The following SERPINE2 variants were observed in gnomAD, a reference collection of about 807,000 sequenced individuals.
SERPINE2 encodes the protein serpin family E member 2.
Under a neutral mutation model 36.3 loss-of-function variants are expected in SERPINE2, and 14 were observed. That is an observed-to-expected ratio of 0.39 (90% confidence interval 0.25 to 0.60). SERPINE2 has a LOEUF of 0.60. Among genes scored for constraint, SERPINE2 ranks in the 20% least tolerant of loss-of-function variants. The pLI is 0.57. For synonymous variants in SERPINE2, 192 were observed against 191.8 expected (o/e 1.00, Z -0.01); for missense variants, 418 against 499.6 (o/e 0.84, Z 1.56).
chr2:224,020,239 TC>T (rs1461416584), intron 1 of SERPINE2, among the ~76,000 whole-genome samples: 1 of 152,190 alleles, frequency 6.6e-6, no homozygotes, highest in Admixed American at 6.5e-5. Flanking sequence ...CAGCTTAGCC[TC>T]CTGCATCAGT....
intron 1 of SERPINE2, among the ~76,000 whole-genome samples, chr2:224,011,572 C>G (rs982007149): frequency 3.3e-5 from 5 of 152,164 alleles, no homozygotes; most frequent in Admixed American, 6.5e-5. Context: ...TATGGGCCTC[C>G]AATTCAGAGA....
intron 4 of SERPINE2, among the ~76,000 whole-genome samples, chr2:223,986,929 C>T (rs1199397391): frequency 6.6e-6 from 1 of 152,116 alleles, no homozygotes; most frequent in African/African-American, 2.4e-5. Context: ...CGCATGCTTA[C>T]CTTTATTTGG....
intron 1 of SERPINE2, among the ~76,000 whole-genome samples, chr2:224,027,611 T>C (rs918020358): frequency 4.6e-5 from 7 of 152,120 alleles, no homozygotes; most frequent in African/African-American, 1.7e-4. Context: ...TTTATCACCA[T>C]GATAATAAAA....
intron 2 of SERPINE2, among the ~76,000 whole-genome samples, chr2:224,000,247 T>C (rs1283611085): frequency 2.0e-5 from 3 of 152,136 alleles, no homozygotes; most frequent in Admixed American, 2.0e-4. Flanking sequence ...GATGTGAATG[T>C]GACTTTTGCA....
At chr2:223,992,329 T>A (rs903323824) in intron 3 of SERPINE2, among the ~76,000 whole-genome samples, 3 of 123,812 alleles carry the variant, frequency 2.4e-5, no homozygotes, top group African/African-American at 9.4e-5. Flanking sequence ...ATAAGCTACA[T>A]TTGATAATGA....
intron 1 of SERPINE2, among the ~76,000 whole-genome samples, chr2:224,028,263 C>T (rs751698225): frequency 6.6e-6 from 1 of 152,218 alleles, no homozygotes; most frequent in Non-Finnish European, 1.5e-5. Context: ...TCCCATTTCC[C>T]TGCATGTTAA....
rs1691189518 is a variant in SERPINE2 at position 224,001,934 on chromosome 2, A to G, written c.-22-12T>C. The G allele has an allele frequency of 2.5e-6, 4 of 1,593,178 alleles. No homozygotes were observed. In the East Asian group the frequency reaches 9.0e-5, roughly 36 times the overall value. ...CCACCAAGGACGACCTGGAAAAGTAAGTTAAAAAATATTTAAATTATACTT... is the reference window on the plus strand; with the variant it reads ...CCACCAAGGACGACCTGGAAAAGTAGGTTAAAAAATATTTAAATTATACTT... On this transcript the variant is annotated splice_polypyrimidine_tract_variant and intron_variant, in intron 1 of 8. Coordinates refer to ENST00000409304, the MANE Select transcript of SERPINE2 (RefSeq NM_001136528.2).
At chr2:223,989,835 G>C (rs564763953) in intron 4 of SERPINE2, among the ~76,000 whole-genome samples, 91 of 152,330 alleles carry the variant, frequency 6.0e-4, no homozygotes, top group African/African-American at 2.0e-3. Context: ...TCAGGGTGGA[G>C]AGTAAACAGA....
At chr2:224,027,349 A>T (rs1359779256) in intron 1 of SERPINE2, among the ~76,000 whole-genome samples, 1 of 152,136 alleles carries the variant, frequency 6.6e-6, no homozygotes, top group Non-Finnish European at 1.5e-5. Flanking sequence ...CATGGCTCGC[A>T]TGGGCATCAG....
intron 1 of SERPINE2, among the ~76,000 whole-genome samples, chr2:224,009,094 C>A (rs879581259): frequency 6.6e-6 from 1 of 152,138 alleles, no homozygotes; most frequent in African/African-American, 2.4e-5. Flanking sequence ...TCAAGCCCAG[C>A]CTAAAAATGG....
chr2:223,994,218 C>T (rs113060584), intron 3 of SERPINE2, among the ~76,000 whole-genome samples: 22 of 152,136 alleles, frequency 1.4e-4, no homozygotes, highest in Non-Finnish European at 2.5e-4. Context: ...TACACTGAGA[C>T]CTGCATGAGA....
Position 224,001,616 on chromosome 2 carries a change from G to T in SERPINE2, c.259+26C>A, listed in dbSNP as rs570799895. ...CACAAGACTCTCAGGCAAAGGCTCC[G>T]CCAGTGAGCAATTGTGCACACGCAC... On this transcript the variant is annotated intron_variant, in intron 2 of 8. Transcript: ENST00000409304. 50 of 1,597,664 alleles carry T rather than the reference G, an allele frequency of 3.1e-5. No homozygotes were observed. In the South Asian group the frequency reaches 4.9e-4, roughly 16 times the overall value.
chr2:224,020,299 G>A (rs888817036), intron 1 of SERPINE2, among the ~76,000 whole-genome samples: 2 of 152,178 alleles, frequency 1.3e-5, no homozygotes, highest in Admixed American at 6.5e-5. Flanking sequence ...AGAAAGAAAG[G>A]TATAGGAGTC....
At chr2:224,003,033 AG>A (rs2106166683) in intron 1 of SERPINE2, among the ~76,000 whole-genome samples, 1 of 152,186 alleles carries the variant, frequency 6.6e-6, no homozygotes, top group Admixed American at 6.5e-5. Context: ...CGAGCAGATG[AG>A]GGGCCGGCAG....
At chr2:224,038,432 G>A in intron 1 of SERPINE2, 2 of 1,440,372 alleles carry the variant, frequency 1.4e-6, no homozygotes, top group South Asian at 2.4e-5. Flanking sequence ...CTCAGTTTGT[G>A]GACACATTAA....
chr2:224,020,610 A>G (rs1467739821), intron 1 of SERPINE2, among the ~76,000 whole-genome samples: 1 of 152,220 alleles, frequency 6.6e-6, no homozygotes, highest in East Asian at 1.9e-4. Context: ...ACATTGCAAC[A>G]ATATTTTCAA....
intron 1 of SERPINE2, among the ~76,000 whole-genome samples, chr2:224,027,558 A>G (rs1431795030): frequency 6.6e-6 from 1 of 152,208 alleles, no homozygotes; most frequent in Non-Finnish European, 1.5e-5. Flanking sequence ...ACTTAGGGAC[A>G]AGGTGGGAGT....
At chr2:224,023,246 TAGTC>T (rs925799016) in intron 1 of SERPINE2, among the ~76,000 whole-genome samples, 11 of 152,182 alleles carry the variant, frequency 7.2e-5, no homozygotes, top group South Asian at 6.2e-4. Context: ...TGGTAATTGT[TAGTC>T]AGTCTCTCTG....
chr2:223,986,787 T>C (rs1179324714), intron 4 of SERPINE2, among the ~76,000 whole-genome samples: 5 of 152,156 alleles, frequency 3.3e-5, no homozygotes, highest in East Asian at 1.9e-4. Flanking sequence ...GACCCATTAT[T>C]AACTGATCAG....
Sources: gnomAD v4.1 joint callset for allele counts (sites outside exome capture counted in the v4.1 genomes callset) on GRCh38, gnomAD v4.1.1 for gene constraint, MANE v1.5 for transcripts, NCBI Gene and HGNC (gene_info 2026-07-23, HGNC 2026-07-21) for gene names.